BPIFA3: variants seen among roughly 807,000 people sequenced by gnomAD.
The protein encoded by BPIFA3 is BPI fold-containing family A member 3.
BPIFA3 carries 32 observed loss-of-function variants against 29.7 expected under a neutral mutation model. That is an observed-to-expected ratio of 1.08 (90% CI 0.81 to 1.45). The LOEUF (loss-of-function observed/expected upper bound fraction) is 1.45, where lower values mean the gene tolerates loss of function less well. BPIFA3 is among the 40% of genes most tolerant of loss of function. The pLI, the probability that BPIFA3 is intolerant of heterozygous loss-of-function variation, is 0.00. For missense variants in BPIFA3, 323 were observed against 311.3 expected (o/e 1.04, Z -0.28); for synonymous variants, 112 against 113.7 (o/e 0.98, Z 0.10).
chr20:33,222,836 A>C (rs1568623657), intron 1 of BPIFA3, among the ~76,000 whole-genome samples: 1 of 152,208 alleles, frequency 6.6e-6, no homozygotes. Context: ...TCTATCCTTG[A>C]AACTATTTGT....
In BPIFA3 at chr20:33,226,500, GA is replaced by G. The variant is rs758789696; in HGVS notation, c.621+16del. 6.3e-6 allele frequency: 10 copies of G among 1,586,296 alleles called. No individual in the cohort carries two copies. Among genetic ancestry groups the G allele is most frequent in the African/African-American group, 1.4e-5 (1 of 73,732 alleles). On this transcript the variant is annotated intron_variant, in intron 5 of 6. Transcript: ENST00000375454. Reference sequence around the variant, plus strand: ...CATGGTAGAAAGTCAGGTAAGTTTAGAAAAAACTTTGCATCTTGAGCATCCT... The same window carrying G: ...CATGGTAGAAAGTCAGGTAAGTTTAGAAAAACTTTGCATCTTGAGCATCCT...
chr20:33,226,806 G>T, intron 5 of BPIFA3, 124 bp from the exon 6 acceptor site: 2 of 1,149,896 alleles, frequency 1.7e-6, no homozygotes, highest in Non-Finnish European at 2.6e-6. Flanking sequence ...CACTACAAGG[G>T]AGCTGCTCTG....
At chr20:33,218,798 C>CT (rs879709475) in intron 1 of BPIFA3, among the ~76,000 whole-genome samples, 229 of 146,414 alleles carry the variant, frequency 1.6e-3, no homozygotes, top group Middle Eastern at 3.5e-3. Context: ...TATTTTTCTA[C>CT]TTTTTTTTTT....
chr20:33,227,633 A>G lies in BPIFA3; in HGVS notation c.*16A>G, dbSNP rs1304656696. 2 of 1,608,016 alleles carry G rather than the reference A, an allele frequency of 1.2e-6. No individual in the cohort carries two copies. The highest frequency in any genetic ancestry group is 2.7e-5 in the African/African-American group (2 of 74,900). The stretch of plus-strand genomic sequence containing the variant: ...CCCCAGCTGACTTCTGCTGATCAGA[A>G]GGAAAGTCCACATCTTGCAACCTTA... On this transcript the variant is annotated 3_prime_UTR_variant, in exon 7 of 7. Transcript: ENST00000375454.
At chr20:33,219,281 C>T (rs971764362) in intron 1 of BPIFA3, among the ~76,000 whole-genome samples, 1 of 151,958 alleles carries the variant, frequency 6.6e-6, no homozygotes, top group Non-Finnish European at 1.5e-5. Context: ...TTTTTTAATC[C>T]TCTTTGACTT....
In BPIFA3 at chr20:33,217,913, C is replaced by T. The variant is rs536299891; in HGVS notation, c.127+250C>T. 2.2e-4 allele frequency among the ~76,000 whole-genome samples: 33 copies of T among 152,370 alleles called. No individual in the cohort carries two copies. The South Asian group carries it at 6.8e-3, about 32-fold the overall frequency. On this transcript the variant is annotated intron_variant, in intron 1 of 6. Coordinates refer to ENST00000375454, the MANE Select transcript of BPIFA3 (RefSeq NM_178466.5). ...ATTTTCTTATTTTCCCCCTTTATGACTTATTCTCACCCCATATCCCTACTG... is the reference window on the plus strand; with the variant it reads ...ATTTTCTTATTTTCCCCCTTTATGATTTATTCTCACCCCATATCCCTACTG...
At chr20:33,224,078 A>T (rs1453273025) in intron 2 of BPIFA3, 117 bp downstream of exon 2, 1 of 1,328,168 alleles carries the variant, frequency 7.5e-7, no homozygotes, top group African/African-American at 1.5e-5. Context: ...AGGTAGGAAG[A>T]TTGAAAGAAG....
Position 33,225,095 on chromosome 20 carries a change from C to T in BPIFA3, c.387-3C>T, listed in dbSNP as rs1985713236. The T allele has an allele frequency of 2.5e-6, 4 of 1,613,764 alleles. No homozygotes were observed. The highest frequency in any genetic ancestry group is 1.6e-4 in the Middle Eastern group (1 of 6,062). ...CTTCCTCCTCTTCCTCTCTCATCTG[C>T]AGGTCCTTCGATAACAACATCGTAA... On this transcript the variant is annotated splice_region_variant and splice_polypyrimidine_tract_variant and intron_variant, in intron 3 of 6. Transcript: ENST00000375454.
chr20:33,224,400 A>G lies in BPIFA3; in HGVS notation c.324A>G (p.Ile108Met), dbSNP rs112731808. Residue 108 changes from isoleucine (I) to methionine (M), a missense_variant, in exon 3 of 7, where the codon ATA becomes ATG. Transcript: ENST00000375454. ...AGCTGGACTGTGGTGGGATCCAGAT[A>G]TCATTCCATAAGGAGTGGTTCTCGG... ...NIQLDCGGIQ[I>M]SFHKEWFSAN... 4.2e-3 allele frequency: 6,833 copies of G among 1,614,170 alleles called. 137 individuals carry two copies. The African/African-American group carries it at 0.047, about 11-fold the overall frequency.
rs139539413 is a variant in BPIFA3, at chr20:33,226,971, G to C, written c.663G>C (p.Val221=). ...LIGEILGQLD[V]KLLKSLIEQE... Reference sequence around the variant, plus strand: ...GTGAAATCCTCGGGCAGCTGGATGTGAAACTGTTGAAAAGCCTCATAGGTG... The same window carrying C: ...GTGAAATCCTCGGGCAGCTGGATGTCAAACTGTTGAAAAGCCTCATAGGTG... The change falls in exon 6 of 7, where the codon GTG becomes GTC. Residue 221 remains valine, a synonymous_variant. Transcript: ENST00000375454. 1.2e-6 allele frequency: 2 copies of C among 1,613,950 alleles called. No individual in the cohort carries two copies. The highest frequency in any genetic ancestry group is 1.7e-6 in the Non-Finnish European group (2 of 1,179,934).
In BPIFA3 at chr20:33,223,552, A is replaced by G. The variant is rs113194362; in HGVS notation, c.128-259A>G. ...CAGACTGAAATACAGTGTTGGGTGA[A>G]CTTTCAACCAGAATACCCCACTTTG... On this transcript the variant is annotated intron_variant, in intron 1 of 6. Coordinates refer to ENST00000375454, the MANE Select transcript of BPIFA3 (RefSeq NM_178466.5). The G allele has an allele frequency of 4.7e-3, 1,854 of 393,060 alleles. 28 individuals carry two copies. Among genetic ancestry groups the G allele is most frequent in the African/African-American group, 0.032 (1,593 of 50,386 alleles). The allele number at this position is 393,060 out of a possible 1,614,324, so 24.3% of individuals were successfully genotyped here.
In BPIFA3 at chr20:33,217,624, G is replaced by C. The variant is rs768811409; in HGVS notation, c.88G>C (p.Ala30Pro). Residue 30 changes from alanine to proline, a missense_variant, in exon 1 of 7, where the codon GCC becomes CCC. Coordinates refer to ENST00000375454, the MANE Select transcript of BPIFA3 (RefSeq NM_178466.5). ...ACACAAGCAGCCTTGGCCTGGCCTG[G>C]CCCAAGCCCACAGAGACAACAAATC... ...APHKQPWPGL[A>P]QAHRDNKSTL... The C allele has an allele frequency of 6.2e-7, 1 of 1,614,000 alleles. No homozygotes were observed. The highest frequency in any genetic ancestry group is 8.5e-7 in the Non-Finnish European group (1 of 1,179,976).
intron 1 of BPIFA3, among the ~76,000 whole-genome samples, chr20:33,222,558 G>C (rs544253028): frequency 3.7e-5 from 3 of 80,704 alleles, no homozygotes; most frequent in African/African-American, 1.5e-4. Flanking sequence ...ATGGACAGAT[G>C]GATGGATGGA....
At chr20:33,220,728 T>C (rs1203703271) in intron 1 of BPIFA3, among the ~76,000 whole-genome samples, 1 of 152,208 alleles carries the variant, frequency 6.6e-6, no homozygotes, top group African/African-American at 2.4e-5. Context: ...CCTCTTATAT[T>C]TTTATTGTTT....
chr20:33,219,836 G>A (rs1017144811), intron 1 of BPIFA3, among the ~76,000 whole-genome samples: 3 of 152,146 alleles, frequency 2.0e-5, no homozygotes, highest in Admixed American at 6.5e-5. Context: ...GGCCGAGCAC[G>A]GTGGCTCCCT....
intron 4 of BPIFA3, 56 bp from the exon 5 acceptor site, chr20:33,226,350 C>G: frequency 1.5e-6 from 2 of 1,303,184 alleles, no homozygotes. Flanking sequence ...TACCTCCTGG[C>G]TTTAATATTG....
chr20:33,221,653 C>T (rs1419739978), intron 1 of BPIFA3, among the ~76,000 whole-genome samples: 1 of 151,838 alleles, frequency 6.6e-6, no homozygotes. Flanking sequence ...TAAAACTCTG[C>T]ATAAAATCTT....
Position 33,217,432 on chromosome 20 carries a change from A to C in BPIFA3, c.-105A>C. 7.1e-7 allele frequency: 1 copy of C among 1,418,346 alleles called. No homozygotes were observed. The highest frequency in any genetic ancestry group is 9.5e-7 in the Non-Finnish European group (1 of 1,055,270). The allele number at this position is 1,418,346 out of a possible 1,614,324, so 87.9% of individuals were successfully genotyped here. ...CATGCTGGGGGCTAATTCTGATGTCATCTTTCTGCAGAAAACCATTAGACC... is the reference window on the plus strand; with the variant it reads ...CATGCTGGGGGCTAATTCTGATGTCCTCTTTCTGCAGAAAACCATTAGACC... On this transcript the variant is annotated 5_prime_UTR_variant, in exon 1 of 7. Coordinates refer to ENST00000375454, the MANE Select transcript of BPIFA3 (RefSeq NM_178466.5).
At chr20:33,218,277 G>A (rs1470258940) in intron 1 of BPIFA3, among the ~76,000 whole-genome samples, 1 of 152,232 alleles carries the variant, frequency 6.6e-6, no homozygotes, top group African/African-American at 2.4e-5. Flanking sequence ...GATAAACCCA[G>A]AAGGAGAGTG....
Sources: allele counts gnomAD v4.1 joint callset (sites outside exome capture counted in the v4.1 genomes callset), GRCh38; gene constraint gnomAD v4.1.1; transcripts MANE v1.5; gene names NCBI Gene and HGNC (gene_info 2026-07-23, HGNC 2026-07-21).